Variants in LRCH3 observed in about 807,000 individuals in gnomAD.
LRCH3 encodes the protein DISP complex protein LRCH3.
Under a neutral mutation model 104.5 loss-of-function variants are expected in LRCH3, and 68 were observed. The observed-to-expected ratio is 0.65, with a 90% CI of 0.54 to 0.80. LRCH3 has a LOEUF of 0.80. Ranked by LOEUF, LRCH3 falls within the 30% of genes least tolerant of loss-of-function variation. LRCH3 has a pLI of 0.00. For synonymous variants in LRCH3, 344 were observed against 361.3 expected (o/e 0.95, Z 0.54); for missense variants, 951 against 953.9 (o/e 1.00, Z 0.04).
At chr3:197,798,272 ATAAAT>A (rs1731494718) in intron 1 of LRCH3, among the ~76,000 whole-genome samples, 1 of 152,158 alleles carries the variant, frequency 6.6e-6, no homozygotes, top group South Asian at 2.1e-4. Context: ...AAAAAAATAA[ATAAAT>A]AAATAAATGA....
chr3:197,847,257 C>A, intron 10 of LRCH3, 152 bp from the exon 11 acceptor site: 1 of 643,376 alleles, frequency 1.6e-6, no homozygotes, highest in Non-Finnish European at 2.6e-6. Flanking sequence ...CTTAGGTTTA[C>A]AAAATGCAGC....
chr3:197,867,714 G>T (rs545816627), intron 17 of LRCH3, among the ~76,000 whole-genome samples: 2 of 152,114 alleles, frequency 1.3e-5, no homozygotes, highest in South Asian at 4.2e-4. Context: ...AATTAGCCAG[G>T]CATGGTGGCA....
In LRCH3 at chr3:197,824,564, G is replaced by A. The variant is rs1455642767; in HGVS notation, c.641-2314G>A. 2.7e-5 allele frequency among the ~76,000 whole-genome samples: 4 copies of A among 147,008 alleles called. 1 individual carries two copies. Among genetic ancestry groups the A allele is most frequent in the African/African-American group, 1.0e-4 (4 of 39,262 alleles). On this transcript the variant is annotated intron_variant, in intron 4 of 20. Transcript: ENST00000425562. ...TGTGGACTGGCTGTTCTCTAGTATT[G>A]CTGCCCAGCTTTTTTTTTTTTTGAG...
At chr3:197,801,827 C>T (rs1731931759) in intron 1 of LRCH3, among the ~76,000 whole-genome samples, 1 of 152,202 alleles carries the variant, frequency 6.6e-6, no homozygotes, top group African/African-American at 2.4e-5. Flanking sequence ...CAAGGTTTCA[C>T]AAGACTGAAA....
intron 1 of LRCH3, among the ~76,000 whole-genome samples, chr3:197,812,488 C>G (rs1284353087): frequency 7.7e-5 from 4 of 51,692 alleles, no homozygotes; most frequent in Non-Finnish European, 1.7e-4. Flanking sequence ...AATATCTGTT[C>G]AAGTCTCTGC....
Position 197,854,587 on chromosome 3 carries a change from G to T in LRCH3, c.1644+142G>T. 2 of 796,002 alleles carry T rather than the reference G, an allele frequency of 2.5e-6. No individual in the cohort carries two copies. Among genetic ancestry groups the T allele is most frequent in the Non-Finnish European group, 4.2e-6 (2 of 481,874 alleles). 49.3% of individuals were successfully genotyped at this position (796,002 alleles called of 1,614,324 possible). A position where few individuals can be genotyped will look rare whatever the true frequency, so the allele number is the denominator to read the frequency against. ...GAAGAACTAAACCATTTTCCCACAT[G>T]ACCATTTGTGATTGACCCAGTGTTT... On this transcript the variant is annotated intron_variant, in intron 14 of 20. Transcript: ENST00000425562. This position sits in a 1 kb window ranked among gnomAD's most constrained non-coding sequence, Gnocchi z 4.5.
chr3:197,792,978 G>A (rs925449259), intron 1 of LRCH3, among the ~76,000 whole-genome samples: 2 of 152,050 alleles, frequency 1.3e-5, no homozygotes, highest in African/African-American at 2.4e-5. Context: ...TTGTAGAGAC[G>A]GGGTTTTGCT....
In LRCH3 at chr3:197,824,732, T is replaced by C. The variant is rs563981443; in HGVS notation, c.641-2146T>C. Among the ~76,000 whole-genome samples the C allele has an allele frequency of 1.2e-4, 18 of 151,148 alleles. 2 individuals carry two copies. The East Asian group carries it at 3.0e-3, about 25-fold the overall frequency. On this transcript the variant is annotated intron_variant, in intron 4 of 20. Transcript: ENST00000425562. Reference sequence around the variant, plus strand: ...GATTATAGGAGCCCGCCACCACGCCTGGCTAACTTTTGTATTTTTAGTAGA... The same window carrying C: ...GATTATAGGAGCCCGCCACCACGCCCGGCTAACTTTTGTATTTTTAGTAGA...
chr3:197,824,948 G>A (rs191326213), intron 4 of LRCH3, among the ~76,000 whole-genome samples: 16 of 152,312 alleles, frequency 1.1e-4, no homozygotes, highest in African/African-American at 3.8e-4. Context: ...TCCCTGTTTT[G>A]CTGGAGGACA....
chr3:197,817,245 TAAC>T lies in LRCH3; in HGVS notation c.480_482del (p.Asn160del), dbSNP rs1560536006. ...CATTGAAAGTCTTAATTGCTAGTAA[TAAC>T]AAATTGGTGTCACTTCCAGAAGAAA... On this transcript the variant is annotated inframe_deletion, in exon 3 of 21. Transcript: ENST00000425562. The T allele has an allele frequency of 6.2e-7, 1 of 1,611,350 alleles. No individual in the cohort carries two copies. The highest frequency in any genetic ancestry group is 8.5e-7 in the Non-Finnish European group (1 of 1,178,828).
chr3:197,845,055 G>A (rs970600288), intron 10 of LRCH3, among the ~76,000 whole-genome samples: 4 of 152,154 alleles, frequency 2.6e-5, no homozygotes, highest in Non-Finnish European at 5.9e-5. Flanking sequence ...ATTGGATTGG[G>A]TGCAAAATAC....
rs1013981647 is a variant in LRCH3, at chr3:197,803,785, C to T, written c.263-11123C>T. On this transcript the variant is annotated intron_variant, in intron 1 of 20. Transcript: ENST00000425562. ...GGACCTTGTGAGAAATGCAGAATTG[C>T]AGGCCTCATCTCGGAATAAGAATCT... 2.6e-5 allele frequency among the ~76,000 whole-genome samples: 4 copies of T among 152,270 alleles called. No homozygotes were observed. The East Asian group carries it at 7.7e-4, about 29-fold the overall frequency.
rs1270032356 is a variant in LRCH3, at chr3:197,881,708, GTGT to G, written c.2209-1831_2209-1829del. The G allele has an allele frequency of 1.9e-5, 19 of 985,310 alleles. No individual in the cohort carries two copies. In the African/African-American group the frequency reaches 3.3e-4, roughly 17 times the overall value. 61.0% of individuals were successfully genotyped at this position (985,310 alleles called of 1,614,324 possible). A position where few individuals can be genotyped will look rare whatever the true frequency, so the allele number is the denominator to read the frequency against. On this transcript the variant is annotated intron_variant, in intron 20 of 20. Transcript: ENST00000425562. The stretch of plus-strand genomic sequence containing the variant: ...CGGTTAGATTCTAGTTTCATAAGTG[GTGT>G]TTCTGAATATTCAGGAACCTTCTGA...
chr3:197,817,098 A>T, intron 2 of LRCH3, 78 bp from the exon 3 acceptor site: 7 of 1,277,344 alleles, frequency 5.5e-6, no homozygotes, highest in Non-Finnish European at 7.5e-6. Flanking sequence ...TATTTTACTG[A>T]GTATAGCGTG....
chr3:197,812,503 A>ATTTTTTTTTTT lies in LRCH3; in HGVS notation c.263-2405_263-2404insTTTTTTTTTTT, dbSNP rs1439272123. Among the ~76,000 whole-genome samples, 15 of 8,572 alleles carry ATTTTTTTTTTT rather than the reference A, an allele frequency of 1.7e-3. 1 individual carries two copies. Among genetic ancestry groups the ATTTTTTTTTTT allele is most frequent in the South Asian group, 6.8e-3 (2 of 292 alleles). 5.6% of individuals were successfully genotyped at this position (8,572 alleles called of 152,430 possible). A position where few individuals can be genotyped will look rare whatever the true frequency, so the allele number is the denominator to read the frequency against. ...AATATCTGTTCAAGTCTCTGCTTTC[A>ATTTTTTTTTTT]GTTTTTTTTTTTTTTTTTTTTTTTT... On this transcript the variant is annotated intron_variant, in intron 1 of 20. Transcript: ENST00000425562.
intron 20 of LRCH3, among the ~76,000 whole-genome samples, chr3:197,878,758 GCCAGAGGAAGAGAAGAAACTTCTA>G (rs1218092228): frequency 6.6e-6 from 1 of 152,214 alleles, no homozygotes; most frequent in Non-Finnish European, 1.5e-5. Context: ...AGGTCCCTCT[GCCAGAGGAAGAGAAGAAACTTCTA>G]CCTCCTCGTC....
At chr3:197,798,277 T>A (rs930146524) in intron 1 of LRCH3, among the ~76,000 whole-genome samples, 5 of 151,776 alleles carry the variant, frequency 3.3e-5, no homozygotes, top group African/African-American at 9.7e-5. Context: ...AATAAATAAA[T>A]AAATAAATGA....
At chr3:197,846,089 G>C (rs1306249658) in intron 10 of LRCH3, among the ~76,000 whole-genome samples, 2 of 152,074 alleles carry the variant, frequency 1.3e-5, no homozygotes, top group East Asian at 3.9e-4. Flanking sequence ...GAAAGTTGCA[G>C]TTAATTCCTG....
chr3:197,833,529 C>T (rs1191102207), intron 8 of LRCH3, among the ~76,000 whole-genome samples: 2 of 151,872 alleles, frequency 1.3e-5, no homozygotes, highest in Non-Finnish European at 2.9e-5. Context: ...CAGAATGAGA[C>T]TGTATCTCGA....
Sources: gnomAD v4.1 joint callset for allele counts (sites outside exome capture counted in the v4.1 genomes callset) on GRCh38, gnomAD v4.1.1 for gene constraint, Gnocchi (gnomAD v3.1) non-coding constraint, MANE v1.5 for transcripts, NCBI Gene and HGNC (gene_info 2026-07-23, HGNC 2026-07-21) for gene names.